The following PCDHA2 variants were observed in gnomAD, a reference collection of about 807,000 sequenced individuals.
PCDHA2 encodes the protein protocadherin alpha-2.
Under a neutral mutation model 66.0 loss-of-function variants are expected in PCDHA2, and 58 were observed. The ratio of observed to expected loss-of-function variants is 0.88; its 90% CI spans 0.71 to 1.09. The LOEUF is 1.09. Ranked by LOEUF, PCDHA2 falls within the 50% of genes least tolerant of loss-of-function variation. PCDHA2 has a pLI of 0.00. For synonymous variants in PCDHA2, 634 were observed against 554.0 expected, an observed-to-expected ratio of 1.14 and a Z score of -2.03; for missense variants, 1,267 against 1,242.3, an observed-to-expected ratio of 1.02 and a Z score of -0.30.
chr5:140,813,034 G>T (rs1554126101), intron 1 of PCDHA2: 1 of 152,154 alleles, frequency 6.6e-6, no homozygotes, highest in African/African-American at 2.4e-5. Flanking sequence ...TCTTGAATTT[G>T]TTAAGACTTG....
At chr5:140,834,311 T>C in intron 1 of PCDHA2, 2 of 1,357,576 alleles carry the variant, frequency 1.5e-6, no homozygotes, top group Non-Finnish European at 2.0e-6. Context: ...GAGATTGAAA[T>C]GAAGGGATAA....
At chr5:140,864,420 G>T (rs1430010861) in intron 1 of PCDHA2, 1 of 152,158 alleles carries the variant, frequency 6.6e-6, no homozygotes, top group African/African-American at 2.4e-5. Context: ...AGGCAGCTTC[G>T]TCCACAAACA....
At position 140,796,682 on chromosome 5, in the gene PCDHA2, C is replaced by T. The variant is rs1245012473; in HGVS notation, c.1718C>T (p.Ala573Val). 6.2e-7 allele frequency: 1 copy of T among 1,613,790 alleles called. No homozygotes were observed. The highest frequency in any genetic ancestry group is 8.5e-7 in the Non-Finnish European group (1 of 1,179,896). ...CTGTTGGCGCCTAGGGCTGGCACCG[C>T]TGCTGGCGCAGTGAGTGAGCTGGTG... ...PALLAPRAGT[A>V]AGAVSELVPW... The change falls in exon 1 of 4, where the codon GCT becomes GTT. Residue 573 changes from alanine to valine, a missense_variant. Transcript: ENST00000526136.
At chr5:140,876,042 AT>A in intron 1 of PCDHA2, 1 of 1,613,902 alleles carries the variant, frequency 6.2e-7, no homozygotes, top group Non-Finnish European at 8.5e-7. Flanking sequence ...ATAAAAGTAT[AT>A]TGCCTGAATT....
At chr5:140,931,023 T>C (rs146623712) in intron 1 of PCDHA2, among the ~76,000 whole-genome samples, 1 of 152,322 alleles carries the variant, frequency 6.6e-6, no homozygotes, top group African/African-American at 2.4e-5. Context: ...AATTTTCTGA[T>C]TGTAGAGCTA....
rs1386589487 is a variant in PCDHA2 at position 140,876,579 on chromosome 5, T to C, written c.2388+79227T>C. ...AGGATGCTCAGGTGGGTACCGTCAT[T>C]GCCCTGATTAGCGTGTCGGATCGTG... On this transcript the variant is annotated intron_variant, in intron 1 of 3. Coordinates refer to ENST00000526136, the MANE Select transcript of PCDHA2 (RefSeq NM_018905.3). 5 of 1,614,104 alleles carry C rather than the reference T, an allele frequency of 3.1e-6. No homozygotes were observed. In the African/African-American group the frequency reaches 5.3e-5, roughly 17 times the overall value.
intron 1 of PCDHA2, chr5:140,870,349 A>G (rs1554164130): frequency 6.2e-7 from 1 of 1,614,154 alleles, no homozygotes; most frequent in Non-Finnish European, 8.5e-7. Context: ...GGACCGCGAG[A>G]ACGTGTGGGC....
intron 1 of PCDHA2, chr5:140,823,711 C>A: frequency 1.9e-6 from 3 of 1,613,966 alleles, no homozygotes; most frequent in Non-Finnish European, 2.5e-6. Context: ...GCGCCACCGC[C>A]TTCTGGTGCT....
At chr5:140,875,773 G>C in intron 1 of PCDHA2, 1 of 1,614,268 alleles carries the variant, frequency 6.2e-7, no homozygotes, top group Non-Finnish European at 8.5e-7. Context: ...GCGGAGCGCG[G>C]AGTGCAGTAT....
At chr5:140,833,422 G>C (rs2150208269) in intron 1 of PCDHA2, among the ~76,000 whole-genome samples, 10 of 152,298 alleles carry the variant, frequency 6.6e-5, no homozygotes, top group African/African-American at 2.2e-4. Flanking sequence ...CTGTATGTGA[G>C]ATGGCTGAGC....
At chr5:140,957,043 A>C (rs2095328677) in intron 1 of PCDHA2, among the ~76,000 whole-genome samples, 3 of 152,196 alleles carry the variant, frequency 2.0e-5, no homozygotes, top group Admixed American at 2.0e-4. Flanking sequence ...GGAGTCATAT[A>C]AAATAAATTA....
intron 1 of PCDHA2, among the ~76,000 whole-genome samples, chr5:140,879,426 G>T (rs2057986144): frequency 6.6e-6 from 1 of 152,302 alleles, no homozygotes; most frequent in South Asian, 2.1e-4. Flanking sequence ...GAATGGAGAT[G>T]AACATTTAAG....
At chr5:140,891,022 G>C (rs2062905127) in intron 1 of PCDHA2, among the ~76,000 whole-genome samples, 1 of 151,804 alleles carries the variant, frequency 6.6e-6, no homozygotes, top group South Asian at 2.1e-4. Context: ...TTTTCTGAGG[G>C]TATAATCTTA....
Position 140,849,746 on chromosome 5 carries a change from T to G in PCDHA2, c.2388+52394T>G, listed in dbSNP as rs2150447912. On this transcript the variant is annotated intron_variant, in intron 1 of 3. Transcript: ENST00000526136. ...TGGACAGAGCTCTGGACCGCGAGAG[T>G]GTGTCCGCCTACGAGCTGGTGGTTA... The G allele has an allele frequency of 2.3e-5, 37 of 1,597,844 alleles. 5 individuals carry two copies. Among genetic ancestry groups the G allele is most frequent in the Admixed American group, 6.8e-5 (4 of 59,208 alleles).
chr5:140,850,559 C>A, intron 1 of PCDHA2: 3 of 1,598,268 alleles, frequency 1.9e-6, no homozygotes, highest in Non-Finnish European at 2.6e-6. Flanking sequence ...GTGCCACGGG[C>A]CCCGAGGTGA....
At chr5:140,854,696 T>C (rs190246288) in intron 1 of PCDHA2, 1 of 150,200 alleles carries the variant, frequency 6.7e-6, no homozygotes, top group East Asian at 1.9e-4. Flanking sequence ...TTGTTAAGTT[T>C]TCCTTTCTTG....
intron 1 of PCDHA2, chr5:140,861,426 T>A (rs1451953787): frequency 2.1e-6 from 1 of 485,412 alleles, no homozygotes; most frequent in Non-Finnish European, 4.2e-6. Context: ...CCTGTTTCAG[T>A]TGGATTCCAA....
At chr5:140,936,849 G>A (rs927747848) in intron 1 of PCDHA2, among the ~76,000 whole-genome samples, 1 of 152,006 alleles carries the variant, frequency 6.6e-6, no homozygotes, top group Non-Finnish European at 1.5e-5. Context: ...TGTAGATTCA[G>A]CTTCTCAGTT....
At chr5:140,863,774 G>A (rs1581698877) in intron 1 of PCDHA2, 2 of 239,304 alleles carry the variant, frequency 8.4e-6, no homozygotes, top group African/African-American at 2.2e-5. Context: ...CGAGGCGGGC[G>A]GATCACTCGA....
Sources: allele counts gnomAD v4.1 joint callset (sites outside exome capture counted in the v4.1 genomes callset), GRCh38; gene constraint gnomAD v4.1.1; transcripts MANE v1.5; gene names NCBI Gene and HGNC (gene_info 2026-07-23, HGNC 2026-07-21).